The following RBFOX1 variants were observed in gnomAD, a reference collection of about 807,000 sequenced individuals.
The protein encoded by RBFOX1 is RNA binding protein fox-1 homolog 1.
Under a neutral mutation model 57.7 loss-of-function variants are expected in RBFOX1, and 8 were observed. The ratio of observed to expected loss-of-function variants is 0.14; its 90% confidence interval spans 0.08 to 0.25. The LOEUF (loss-of-function observed/expected upper bound fraction) is 0.25. Ranked by LOEUF, RBFOX1 falls within the 10% of genes least tolerant of loss-of-function variation. The pLI, the probability that RBFOX1 is intolerant of heterozygous loss-of-function variation, is 1.00. For synonymous variants in RBFOX1, 326 were observed against 222.4 expected, an observed-to-expected ratio of 1.47 and a Z score of -4.15; for missense variants, 611 against 548.5, an observed-to-expected ratio of 1.11 and a Z score of -1.14.
At chr16:7,538,487 A>C (rs943194435) in intron 5 of RBFOX1, among the ~76,000 whole-genome samples, 15 of 152,148 alleles carry the variant, frequency 9.9e-5, no homozygotes, top group Admixed American at 2.0e-4. Flanking sequence ...CATACATTCG[A>C]AATTATTTGT....
chr16:6,976,158 G>T (rs1306397281), intron 3 of RBFOX1, among the ~76,000 whole-genome samples: 1 of 151,990 alleles, frequency 6.6e-6, no homozygotes, highest in Admixed American at 6.6e-5. Flanking sequence ...AAAAAAACTA[G>T]CATTAACTGG....
intron 3 of RBFOX1, among the ~76,000 whole-genome samples, chr16:5,856,156 TC>T (rs2057026247): frequency 2.8e-5 from 1 of 35,622 alleles, no homozygotes; most frequent in East Asian, 7.4e-4. Flanking sequence ...TATGGTTCTC[TC>T]TCTCTCTCTC....
At chr16:6,848,147 G>T (rs1460373075) in intron 3 of RBFOX1, among the ~76,000 whole-genome samples, 3 of 151,960 alleles carry the variant, frequency 2.0e-5, no homozygotes, top group African/African-American at 4.8e-5. Flanking sequence ...ACTGTCTAAT[G>T]CTGTGTTACC....
intron 1 of RBFOX1, among the ~76,000 whole-genome samples, chr16:6,261,510 C>A (rs1159060913): frequency 6.6e-6 from 1 of 152,182 alleles, no homozygotes; most frequent in Admixed American, 6.5e-5. Flanking sequence ...AGCAGACAAA[C>A]AGAAACAGGC....
chr16:7,371,299 T>A (rs1457513380), intron 4 of RBFOX1, among the ~76,000 whole-genome samples: 1 of 152,196 alleles, frequency 6.6e-6, no homozygotes, highest in African/African-American at 2.4e-5. Context: ...AAACTTTTTT[T>A]TCTGCTTAAA....
At chr16:7,045,718 G>C (rs982997064) in intron 3 of RBFOX1, among the ~76,000 whole-genome samples, 3 of 151,956 alleles carry the variant, frequency 2.0e-5, no homozygotes, top group Admixed American at 1.3e-4. Context: ...GCAGTGGCTT[G>C]ATCTTCATTC....
intron 1 of RBFOX1, among the ~76,000 whole-genome samples, chr16:5,466,936 TTTA>T (rs2068970792): frequency 6.6e-6 from 1 of 152,192 alleles, no homozygotes; most frequent in South Asian, 2.1e-4. Flanking sequence ...CTGATCTTCA[TTTA>T]TTATTAATAG....
intron 3 of RBFOX1, chr16:6,874,086 C>G (rs1033359056): frequency 6.6e-6 from 1 of 152,160 alleles, no homozygotes; most frequent in African/African-American, 2.4e-5. Flanking sequence ...CTTGCACATG[C>G]ATGTTTATAG....
chr16:5,693,096 G>A (rs535217534), intron 3 of RBFOX1, among the ~76,000 whole-genome samples: 1 of 152,316 alleles, frequency 6.6e-6, no homozygotes, highest in African/African-American at 2.4e-5. Context: ...CTATGGAAGA[G>A]AGCTGAGTGG....
intron 3 of RBFOX1, among the ~76,000 whole-genome samples, chr16:6,937,101 A>T (rs1416370602): frequency 6.6e-6 from 1 of 152,142 alleles, no homozygotes; most frequent in African/African-American, 2.4e-5. Context: ...ATAATAAAAA[A>T]ATAAATAAAA....
At chr16:6,755,376 C>G (rs1339463887) in intron 3 of RBFOX1, among the ~76,000 whole-genome samples, 1 of 152,116 alleles carries the variant, frequency 6.6e-6, no homozygotes, top group Non-Finnish European at 1.5e-5. Flanking sequence ...TGTTTCCTGA[C>G]TTTTTAATGA....
At chr16:6,482,969 T>C (rs563677415) in intron 2 of RBFOX1, among the ~76,000 whole-genome samples, 18 of 152,230 alleles carry the variant, frequency 1.2e-4, no homozygotes, top group Non-Finnish European at 1.6e-4. Flanking sequence ...AGGTGCCCTA[T>C]TCTGTCATGT....
chr16:6,068,993 C>T (rs1050872635), intron 1 of RBFOX1, among the ~76,000 whole-genome samples: 4 of 150,172 alleles, frequency 2.7e-5, no homozygotes, highest in South Asian at 2.1e-4. Flanking sequence ...ACAAAGTAGG[C>T]GTTTAATAAA....
intron 2 of RBFOX1, among the ~76,000 whole-genome samples, chr16:6,335,636 G>C (rs999672542): frequency 6.6e-6 from 1 of 151,574 alleles, no homozygotes; most frequent in Non-Finnish European, 1.5e-5. Flanking sequence ...AAATTAGCTG[G>C]GTGTGTTGAC....
At chr16:6,123,400 A>G (rs1262435292) in intron 1 of RBFOX1, among the ~76,000 whole-genome samples, 1 of 152,214 alleles carries the variant, frequency 6.6e-6, no homozygotes, top group African/African-American at 2.4e-5. Context: ...AAGAAACCAG[A>G]TATAAAGGGA....
At chr16:6,006,821 G>C (rs144654429) in intron 4 of RBFOX1, among the ~76,000 whole-genome samples, 72 of 152,332 alleles carry the variant, frequency 4.7e-4, no homozygotes, top group African/African-American at 1.6e-3. Flanking sequence ...GGGAACCTAA[G>C]AGGATTGTAG....
At chr16:7,653,972 G>A (rs1212676991) in intron 12 of RBFOX1, 25 bp downstream of exon 12, 1 of 1,474,696 alleles carries the variant, frequency 6.8e-7, no homozygotes. Flanking sequence ...CTCCTGGGTG[G>A]GCCTCCCTGC....
At chr16:6,099,090 A>G (rs1223362923) in intron 1 of RBFOX1, among the ~76,000 whole-genome samples, 1 of 152,214 alleles carries the variant, frequency 6.6e-6, no homozygotes, top group Admixed American at 6.5e-5. Flanking sequence ...GTATGAGTCC[A>G]GGGGGCGACA....
intron 2 of RBFOX1, among the ~76,000 whole-genome samples, chr16:6,458,414 C>T (rs2094829755): frequency 6.6e-6 from 1 of 152,322 alleles, no homozygotes; most frequent in Non-Finnish European, 1.5e-5. Flanking sequence ...TAGAACCAGA[C>T]TCATTGATTT....
Sources: allele counts gnomAD v4.1 joint callset (sites outside exome capture counted in the v4.1 genomes callset), GRCh38; gene constraint gnomAD v4.1.1; transcripts MANE v1.5; gene names NCBI Gene and HGNC (gene_info 2026-07-23, HGNC 2026-07-21).